The following DNM3 variants were observed in gnomAD, a reference collection of about 807,000 sequenced individuals.
DNM3 encodes the protein dynamin 3.
DNM3 carries 47 observed loss-of-function variants against 101.6 expected under a neutral mutation model. The ratio of observed to expected loss-of-function variants is 0.46; its 90% CI spans 0.37 to 0.59. DNM3 has a LOEUF of 0.59. Among genes scored for constraint, DNM3 ranks in the 20% least tolerant of loss-of-function variants. The pLI is 0.00. For synonymous variants in DNM3, 385 were observed against 387.9 expected (o/e 0.99, Z 0.09); for missense variants, 849 against 1,085.7 (o/e 0.78, Z 3.06).
chr1:172,379,533 TAA>T (rs2068781911), intron 18 of DNM3, among the ~76,000 whole-genome samples: 1 of 152,020 alleles, frequency 6.6e-6, no homozygotes, highest in South Asian at 2.1e-4. Context: ...ACTTTGAGAC[TAA>T]AGGCAAAGGA....
chr1:172,021,309 A>T (rs1027735077), intron 4 of DNM3, among the ~76,000 whole-genome samples: 1 of 147,250 alleles, frequency 6.8e-6, no homozygotes, highest in Admixed American at 6.8e-5. Flanking sequence ...TGTCTCTACA[A>T]TTTTTTTTTT....
At chr1:172,230,288 T>C (rs1305600044) in intron 14 of DNM3, among the ~76,000 whole-genome samples, 2 of 152,222 alleles carry the variant, frequency 1.3e-5, no homozygotes, top group Non-Finnish European at 2.9e-5. Flanking sequence ...AACACACCCA[T>C]GAAATTTCAC....
intron 20 of DNM3, chr1:172,393,379 G>C (rs912478837): frequency 6.6e-6 from 1 of 152,354 alleles, no homozygotes; most frequent in Admixed American, 6.5e-5. Context: ...TTTGTAGCCA[G>C]TCCCCCAAAT....
chr1:171,940,373 G>C (rs920001904), intron 2 of DNM3, among the ~76,000 whole-genome samples: 1 of 152,094 alleles, frequency 6.6e-6, no homozygotes, highest in South Asian at 2.1e-4. Context: ...CCTGCAGTGT[G>C]CTGCACAACA....
At chr1:172,241,551 T>C (rs1382782228) in intron 14 of DNM3, among the ~76,000 whole-genome samples, 1 of 152,154 alleles carries the variant, frequency 6.6e-6, no homozygotes, top group Non-Finnish European at 1.5e-5. Flanking sequence ...GAAAATAATT[T>C]ATTAAGAGGG....
At chr1:172,063,775 CAAAA>C (rs11317272) in intron 10 of DNM3, among the ~76,000 whole-genome samples, 4 of 87,764 alleles carry the variant, frequency 4.6e-5, no homozygotes, top group Non-Finnish European at 7.3e-5. Context: ...GAGACTTTGT[CAAAA>C]AAAAAAAAAA....
At chr1:172,331,328 G>C (rs912935219) in intron 17 of DNM3, among the ~76,000 whole-genome samples, 1 of 151,880 alleles carries the variant, frequency 6.6e-6, no homozygotes, top group Non-Finnish European at 1.5e-5. Flanking sequence ...ATCTCATTGA[G>C]GTTTAAAGAT....
chr1:172,096,250 TCTTC>T (rs1230573719), intron 13 of DNM3, among the ~76,000 whole-genome samples: 1 of 152,266 alleles, frequency 6.6e-6, no homozygotes, highest in Admixed American at 6.5e-5. Context: ...TTATTTTTTG[TCTTC>T]CTTCATTAGG....
chr1:172,300,665 A>C (rs2064401758), intron 15 of DNM3, among the ~76,000 whole-genome samples: 1 of 152,248 alleles, frequency 6.6e-6, no homozygotes, highest in Non-Finnish European at 1.5e-5. Context: ...AATTAACTCA[A>C]GATGGATTAA....
chr1:172,215,627 TA>T (rs560990417), intron 14 of DNM3, among the ~76,000 whole-genome samples: 3 of 151,896 alleles, frequency 2.0e-5, no homozygotes, highest in Non-Finnish European at 2.9e-5. Flanking sequence ...AATTGGAAGA[TA>T]AAAAAATGAG....
At position 172,011,059 on chromosome 1, in the gene DNM3, T is replaced by C. The variant is rs185429280; in HGVS notation, c.590-21343T>C. ...ATGTGTTGGATTTTGTTTTAGCAGA[T>C]AGCTATCTTACTTGAAGATCAATTT... On this transcript the variant is annotated intron_variant, in intron 4 of 20. Coordinates refer to ENST00000627582, the MANE Select transcript of DNM3 (RefSeq NM_015569.5). Among the ~76,000 whole-genome samples, 22 of 152,060 alleles carry C rather than the reference T, an allele frequency of 1.4e-4. No homozygotes were observed. The East Asian group carries it at 4.3e-3, about 29-fold the overall frequency.
At chr1:171,876,249 G>A (rs1274339578) in intron 1 of DNM3, among the ~76,000 whole-genome samples, 1 of 152,126 alleles carries the variant, frequency 6.6e-6, no homozygotes, top group East Asian at 1.9e-4. Flanking sequence ...ATGGCTCATG[G>A]GCTGATAACC....
chr1:172,152,038 TG>T (rs2058150500), intron 14 of DNM3, among the ~76,000 whole-genome samples: 1 of 152,028 alleles, frequency 6.6e-6, no homozygotes, highest in Non-Finnish European at 1.5e-5. Flanking sequence ...CCACCATGCC[TG>T]GCTAATCTTA....
chr1:172,026,784 G>A (rs1020420673), intron 4 of DNM3, among the ~76,000 whole-genome samples: 2 of 151,912 alleles, frequency 1.3e-5, no homozygotes, highest in African/African-American at 2.4e-5. Flanking sequence ...CTCCCAAGTA[G>A]CTGGGACTAC....
At chr1:171,944,739 G>T (rs1209021488) in intron 2 of DNM3, among the ~76,000 whole-genome samples, 4 of 150,830 alleles carry the variant, frequency 2.7e-5, no homozygotes, top group Non-Finnish European at 5.9e-5. Flanking sequence ...ACTCTATAGT[G>T]CCTAAGGAAT....
chr1:171,993,225 C>A (rs2045753060), intron 4 of DNM3, among the ~76,000 whole-genome samples: 1 of 151,888 alleles, frequency 6.6e-6, no homozygotes, highest in South Asian at 2.1e-4. Flanking sequence ...AGTTACTGTC[C>A]AGTGTCCTTT....
chr1:172,230,186 C>T (rs1049415021), intron 14 of DNM3, among the ~76,000 whole-genome samples: 5 of 152,078 alleles, frequency 3.3e-5, no homozygotes, highest in East Asian at 3.9e-4. Flanking sequence ...TGAGAATGAG[C>T]GAGATTTATT....
intron 2 of DNM3, among the ~76,000 whole-genome samples, chr1:171,962,531 G>A (rs1448961166): frequency 6.6e-6 from 1 of 152,086 alleles, no homozygotes; most frequent in Non-Finnish European, 1.5e-5. Context: ...ATTTCTCACG[G>A]TTCTGGAGAT....
chr1:172,234,203 T>C (rs1381400318), intron 14 of DNM3, among the ~76,000 whole-genome samples: 1 of 151,990 alleles, frequency 6.6e-6, no homozygotes, highest in Non-Finnish European at 1.5e-5. Flanking sequence ...TCTCAGGATA[T>C]AAAATCAATG....
Sources: gnomAD v4.1 joint callset for allele counts (sites outside exome capture counted in the v4.1 genomes callset) on GRCh38, gnomAD v4.1.1 for gene constraint, MANE v1.5 for transcripts, NCBI Gene and HGNC (gene_info 2026-07-23, HGNC 2026-07-21) for gene names.